HEPH: variants seen among roughly 807,000 people sequenced by gnomAD.
The protein encoded by HEPH is hephaestin.
HEPH carries 69 observed loss-of-function variants against 80.8 expected under a neutral mutation model. That is an observed-to-expected ratio of 0.85 (90% confidence interval 0.70 to 1.04). HEPH has a LOEUF of 1.04. Among genes scored for constraint, HEPH ranks in the 50% least tolerant of loss-of-function variants. The pLI, the probability that HEPH is intolerant of heterozygous loss-of-function variation, is 0.00. For missense variants in HEPH, 1,115 were observed against 891.3 expected, an observed-to-expected ratio of 1.25 and a Z score of -3.20; for synonymous variants, 431 against 322.8, an observed-to-expected ratio of 1.34 and a Z score of -3.60.
chrX:66,237,474 A>G (rs2090407912), intron 15 of HEPH, among the ~76,000 whole-genome samples: 1 of 111,810 alleles, frequency 8.9e-6, no homozygotes, highest in Admixed American at 9.5e-5. Flanking sequence ...TTCTAATATG[A>G]TTGGACTTTG....
chrX:66,221,461 G>A (rs2089643936), intron 15 of HEPH, among the ~76,000 whole-genome samples: 1 of 112,489 alleles, frequency 8.9e-6, no homozygotes, highest in Admixed American at 9.3e-5. Context: ...ACAGCATGGG[G>A]GGCCTTTATA....
chrX:66,259,730 A>G (rs1227847064), intron 18 of HEPH, among the ~76,000 whole-genome samples: 1 of 99,335 alleles, frequency 1.0e-5, no homozygotes, highest in Non-Finnish European at 2.0e-5. Context: ...TTTTTTTGAG[A>G]TGGAGTCTCA....
At position 66,255,248 on chromosome X, in the gene HEPH, T is replaced by A. The variant is rs769153592; in HGVS notation, c.2670+107T>A. ...ACTCCTGAGATTCTAGAGCCTAGAA[T>A]TTGGGGAACATTCTTCAAAAGCTGG... On this transcript the variant is annotated intron_variant, in intron 16 of 20. Coordinates refer to ENST00000343002, the MANE Select transcript of HEPH (RefSeq NM_001367233.3). 6 of 449,840 alleles carry A rather than the reference T, an allele frequency of 1.3e-5. No homozygotes were observed. In the South Asian group the frequency reaches 2.1e-4, roughly 16 times the overall value. 37.1% of individuals were successfully genotyped at this position (449,840 alleles called of 1,213,427 possible).
At position 66,207,266 on chromosome X, in the gene HEPH, A is replaced by T. The variant is rs1215994593; in HGVS notation, c.2363A>T (p.Glu788Val). 1 of 1,203,111 alleles carries T rather than the reference A, an allele frequency of 8.3e-7. No homozygotes were observed. Among genetic ancestry groups the T allele is most frequent in the South Asian group, 1.8e-5 (1 of 56,023 alleles). The change falls in exon 14 of 21, where the codon GAA becomes GTA. Residue 788 changes from glutamate (E) to valine (V), a missense_variant. By Grantham distance (121) the Glu-to-Val change is moderately radical. This residue lies in a region of HEPH where 716 missense variants were observed against 523.5 expected (regional missense o/e 1.37). Transcript: ENST00000343002. The part of the protein sequence containing the change: ...GSRYKKAVFR[E>V]YTDGTFRIPR... ...AGATACAAGAAAGCTGTATTCAGGG[A>T]ATACACTGATGGTACATTCAGGATC... is the stretch of plus-strand genomic sequence containing the variant.
At chrX:66,254,542 A>G (rs1034226529) in intron 15 of HEPH, among the ~76,000 whole-genome samples, 5 of 110,717 alleles carry the variant, frequency 4.5e-5, no homozygotes, top group African/African-American at 1.6e-4. Flanking sequence ...GTTGGAGCTT[A>G]GTAACAAGGG....
At chrX:66,230,310 C>T (rs1468380854) in intron 15 of HEPH, among the ~76,000 whole-genome samples, 2 of 97,398 alleles carry the variant, frequency 2.1e-5, no homozygotes, top group East Asian at 6.2e-4. Flanking sequence ...ATGGCTGGGT[C>T]AAATGGTATT....
intron 15 of HEPH, among the ~76,000 whole-genome samples, chrX:66,252,041 A>C (rs1247143336): frequency 8.9e-6 from 1 of 111,877 alleles, no homozygotes; most frequent in Non-Finnish European, 1.9e-5. Flanking sequence ...GCCAGAAGAT[A>C]ATAGCGCAGA....
chrX:66,173,332 A>G (rs751512273), intron 3 of HEPH, among the ~76,000 whole-genome samples: 10 of 112,047 alleles, frequency 8.9e-5, no homozygotes, highest in South Asian at 3.7e-4. Flanking sequence ...GCCAAGCTGT[A>G]CTTTTCCTAG....
intron 15 of HEPH, among the ~76,000 whole-genome samples, chrX:66,230,346 G>A (rs1202645072): frequency 2.0e-5 from 2 of 99,811 alleles, no homozygotes; most frequent in Admixed American, 1.0e-4. Context: ...CTGAGGAATC[G>A]CCACACTGAC....
At chrX:66,259,164 G>A (rs2091276785) in intron 18 of HEPH, among the ~76,000 whole-genome samples, 185 bp downstream of exon 18, 1 of 112,007 alleles carries the variant, frequency 8.9e-6, no homozygotes, top group Non-Finnish European at 1.9e-5. Context: ...CTTCCCGCTA[G>A]GCCCTAGCTT....
intron 15 of HEPH, among the ~76,000 whole-genome samples, chrX:66,220,270 C>A (rs1311558152): frequency 9.0e-6 from 1 of 111,442 alleles, no homozygotes; most frequent in African/African-American, 3.3e-5. Context: ...TCTTGTTTTT[C>A]CTGGAATTTC....
At chrX:66,262,023 G>T (rs752550092) in intron 19 of HEPH, among the ~76,000 whole-genome samples, 3 of 112,301 alleles carry the variant, frequency 2.7e-5, no homozygotes, top group Non-Finnish European at 3.8e-5. Context: ...CATATTGCCA[G>T]GGTACTTCCA....
At chrX:66,219,596 C>G (rs961345649) in intron 15 of HEPH, among the ~76,000 whole-genome samples, 7 of 111,191 alleles carry the variant, frequency 6.3e-5, no homozygotes, top group Non-Finnish European at 9.4e-5. Flanking sequence ...GTCGGGTATC[C>G]CCACGAGCTG....
intron 15 of HEPH, among the ~76,000 whole-genome samples, chrX:66,224,835 CTCTT>C (rs1272342056): frequency 6.4e-5 from 7 of 109,792 alleles, no homozygotes; most frequent in Admixed American, 2.9e-4. Context: ...CTCTCTCTCT[CTCTT>C]TCTTTCTCTC....
At chrX:66,261,920 G>T (rs781532983) in intron 19 of HEPH, among the ~76,000 whole-genome samples, 1 of 112,210 alleles carries the variant, frequency 8.9e-6, no homozygotes, top group South Asian at 3.7e-4. Context: ...TACATCATCA[G>T]GTTGATATAG....
At chrX:66,178,180 T>C (rs937261398) in intron 4 of HEPH, among the ~76,000 whole-genome samples, 1 of 110,902 alleles carries the variant, frequency 9.0e-6, no homozygotes, top group Non-Finnish European at 1.9e-5. Context: ...CACCTATGAG[T>C]GAGAACATGC....
At chrX:66,222,237 G>T (rs1377275976) in intron 15 of HEPH, among the ~76,000 whole-genome samples, 1 of 112,837 alleles carries the variant, frequency 8.9e-6, no homozygotes, top group Non-Finnish European at 1.9e-5. Flanking sequence ...GGCCCTTGGG[G>T]GCTGACCCGC....
intron 20 of HEPH, among the ~76,000 whole-genome samples, chrX:66,264,520 G>C: frequency 9.2e-6 from 1 of 108,967 alleles, no homozygotes; most frequent in Non-Finnish European, 1.9e-5. Context: ...GTGCAGCCCA[G>C]GTCCAAATAG....
At chrX:66,263,900 C>A (rs1374329472) in intron 20 of HEPH, among the ~76,000 whole-genome samples, 1 of 110,956 alleles carries the variant, frequency 9.0e-6, no homozygotes, top group Non-Finnish European at 1.9e-5. Flanking sequence ...CCACCTCAAA[C>A]CTCCTGAGTT....
Sources: allele counts gnomAD v4.1 joint callset (sites outside exome capture counted in the v4.1 genomes callset), GRCh38; gene constraint gnomAD v4.1.1; regional missense constraint gnomAD v4.1.1; transcripts MANE v1.5; gene names NCBI Gene and HGNC (gene_info 2026-07-23, HGNC 2026-07-21).